Variants in NDUFS2 observed in about 807,000 individuals in gnomAD.
NDUFS2 encodes the protein NADH dehydrogenase [ubiquinone] iron-sulfur protein 2, mitochondrial.
In NDUFS2, 38 loss-of-function variants were observed where a neutral mutation model predicts 69.6. That is an observed-to-expected ratio of 0.55 (90% CI 0.42 to 0.72). NDUFS2 has a LOEUF of 0.72. Among genes scored for constraint, NDUFS2 ranks in the 30% least tolerant of loss-of-function variants. The pLI is 0.00. For synonymous variants in NDUFS2, 194 were observed against 211.2 expected (o/e 0.92, Z 0.70); for missense variants, 468 against 595.0 (o/e 0.79, Z 2.22).
At chr1:161,209,346 G>A (rs1245894886) in intron 4 of NDUFS2, 33 bp downstream of exon 4, 1 of 1,613,976 alleles carries the variant, frequency 6.2e-7, no homozygotes, top group Non-Finnish European at 8.5e-7. Context: ...GTGGCCCACT[G>A]TGAGCATAGC....
upstream of NDUFS2, chr1:161,202,036 G>A: frequency 2.4e-6 from 1 of 414,076 alleles, no homozygotes; most frequent in South Asian, 2.1e-5. Context: ...AGGCGGAAGG[G>A]AGTAGGGAAG....
At chr1:161,198,681 C>T, upstream of NDUFS2, 1 of 1,420,490 alleles carries the variant, frequency 7.0e-7, no homozygotes, top group Non-Finnish European at 9.3e-7. This position sits in a 1 kb window ranked among gnomAD's most constrained non-coding sequence, Gnocchi z 4.7. Context: ...ACCAAGTCCT[C>T]CACACCCTAG....
chr1:161,199,067 G>C (rs912686042), upstream of NDUFS2: 2 of 160,494 alleles, frequency 1.2e-5, no homozygotes, highest in Non-Finnish European at 2.7e-5. Flanking sequence ...GCCTCTCTCC[G>C]CGCCAGCTCT....
intron 2 of NDUFS2, among the ~76,000 whole-genome samples, chr1:161,204,837 G>A (rs1008623374): frequency 1.3e-5 from 2 of 152,156 alleles, no homozygotes; most frequent in African/African-American, 4.8e-5. Context: ...GATCACCTTA[G>A]GTCAGGAGTT....
intron 3 of NDUFS2, among the ~76,000 whole-genome samples, chr1:161,207,353 G>A (rs570057069): frequency 1.3e-5 from 2 of 152,300 alleles, no homozygotes; most frequent in Middle Eastern, 3.4e-3. Flanking sequence ...AGCTAGTAGC[G>A]TCTTAGCTCC....
rs1348213913 is a variant in NDUFS2, at chr1:161,210,689, C to T, written c.965C>T (p.Ser322Phe). Residue 322 changes from serine to phenylalanine, a missense_variant, in exon 9 of 14, where the codon TCT (serine) becomes TTT (phenylalanine). Ser to Phe is a radical substitution (Grantham distance 155, BLOSUM62 -2). Around this residue, in one of 3 missense-constraint regions of NDUFS2, gnomAD observed 339 missense variants for 433.8 expected, o/e 0.78. Transcript: ENST00000676972. The stretch of plus-strand genomic sequence containing the variant: ...GTTGAGTTTGATGTTCCTGTTGGTT[C>T]TCGAGGGGACTGCTATGATAGGTAA... ...DQVEFDVPVG[S>F]RGDCYDRYLC... 5.0e-6 allele frequency: 8 copies of T among 1,614,024 alleles called. No individual in the cohort carries two copies. The South Asian group carries it at 5.5e-5, about 11-fold the overall frequency.
At chr1:161,202,914 A>G (rs1665228128) in intron 1 of NDUFS2, among the ~76,000 whole-genome samples, 1 of 152,156 alleles carries the variant, frequency 6.6e-6, no homozygotes, top group African/African-American at 2.4e-5. Flanking sequence ...GGGTGGAGTT[A>G]TTCCAGGAAT....
intron 11 of NDUFS2, 48 bp downstream of exon 11, chr1:161,213,523 A>G (rs771464626): frequency 6.4e-7 from 1 of 1,553,974 alleles, no homozygotes; most frequent in Non-Finnish European, 8.9e-7. Flanking sequence ...GTAGGTAGCT[A>G]AAGATAGATG....
intron 1 of NDUFS2, 93 bp from the exon 2 acceptor site, chr1:161,203,344 T>C: frequency 9.5e-7 from 1 of 1,047,480 alleles, no homozygotes; most frequent in Middle Eastern, 2.3e-4. Flanking sequence ...AAAAAACAGG[T>C]CATCCTTCCT....
Position 161,202,488 on chromosome 1 carries a change from C to T in NDUFS2, c.95+8C>T, listed in dbSNP as rs1057524063. ...GCCGATTCAGCCCAGCAGGTGAGAT[C>T]GAGGGCAGCTCTCGACACACTTTCT... is the stretch of plus-strand genomic sequence containing the variant. On this transcript the variant is annotated splice_region_variant and intron_variant, in intron 1 of 13. Coordinates refer to ENST00000676972, the MANE Select transcript of NDUFS2 (RefSeq NM_001377299.1). The T allele has an allele frequency of 1.9e-6, 3 of 1,607,536 alleles. No homozygotes were observed. The highest frequency in any genetic ancestry group is 2.5e-6 in the Non-Finnish European group (3 of 1,177,566).
upstream of NDUFS2, chr1:161,198,585 G>A (rs1571591326): frequency 4.6e-6 from 7 of 1,535,472 alleles, no homozygotes; most frequent in Admixed American, 2.0e-5. The surrounding 1 kb of genome is among the most constrained non-coding windows in gnomAD (Gnocchi z 4.7). Flanking sequence ...CACAGCCAGC[G>A]CCCTGCCAAG....
At chr1:161,198,064 G>T (rs770985919), upstream of NDUFS2, 1 of 1,608,770 alleles carries the variant, frequency 6.2e-7, no homozygotes, top group Admixed American at 1.7e-5. The surrounding 1 kb of genome is among the most constrained non-coding windows in gnomAD (Gnocchi z 4.7). Flanking sequence ...GACCTTGACC[G>T]CTGGCAGGAC....
chr1:161,213,337 G>A, intron 10 of NDUFS2, 43 bp from the exon 11 acceptor site: 1 of 1,387,942 alleles, frequency 7.2e-7, no homozygotes, highest in Non-Finnish European at 1.0e-6. Flanking sequence ...AGGAGACAGA[G>A]TTTGGATATG....
upstream of NDUFS2, chr1:161,198,892 G>A: frequency 4.7e-6 from 2 of 422,822 alleles, no homozygotes; most frequent in Non-Finnish European, 8.4e-6. This position sits in a 1 kb window ranked among gnomAD's most constrained non-coding sequence, Gnocchi z 4.7. Context: ...CCCTGCCTGT[G>A]TCTTCTGCAG....
chr1:161,209,784 A>G, intron 5 of NDUFS2, 73 bp from the exon 6 acceptor site: 1 of 1,525,650 alleles, frequency 6.6e-7, no homozygotes, highest in South Asian at 1.2e-5. Flanking sequence ...GAAGGCAGAA[A>G]GTGGGGGAGT....
rs762050432 is a variant in NDUFS2, at chr1:161,209,946, G to A, written c.702+15G>A. ...GAGTGCACCAGGTGAGCAGGTCCCC[G>A]GCTTCCCCAAATGTCCAGCCCAGGC... On this transcript the variant is annotated intron_variant, in intron 6 of 13. Coordinates refer to ENST00000676972, the MANE Select transcript of NDUFS2 (RefSeq NM_001377299.1). 14 of 1,613,712 alleles carry A rather than the reference G, an allele frequency of 8.7e-6. No homozygotes were observed. Among genetic ancestry groups the A allele is most frequent in the African/African-American group, 5.3e-5 (4 of 74,890 alleles).
chr1:161,207,583 A>G (rs762206828), intron 3 of NDUFS2, among the ~76,000 whole-genome samples: 6 of 152,012 alleles, frequency 3.9e-5, no homozygotes, highest in Non-Finnish European at 8.8e-5. Context: ...GTGAAACCCC[A>G]TCTCTACTAA....
At chr1:161,200,336 G>C (rs1012015017), upstream of NDUFS2, among the ~76,000 whole-genome samples, 13 of 152,032 alleles carry the variant, frequency 8.6e-5, no homozygotes, top group African/African-American at 3.1e-4. Context: ...AGAGGTCTTG[G>C]GTATGAACTC....
chr1:161,209,069 T>C, intron 3 of NDUFS2, 124 bp from the exon 4 acceptor site: 2 of 1,297,540 alleles, frequency 1.5e-6, no homozygotes, highest in Non-Finnish European at 1.1e-6. Context: ...TTGTTGGGGC[T>C]CCTGAGACTA....
Sources: gnomAD v4.1 joint callset for allele counts (sites outside exome capture counted in the v4.1 genomes callset) on GRCh38, gnomAD v4.1.1 for gene constraint, gnomAD v4.1.1 regional missense constraint, Gnocchi (gnomAD v3.1) non-coding constraint, MANE v1.5 for transcripts, NCBI Gene and HGNC (gene_info 2026-07-23, HGNC 2026-07-21) for gene names.